Variants in KANSL3 observed in about 807,000 individuals in gnomAD.
The protein encoded by KANSL3 is KAT8 regulatory NSL complex subunit 3.
A neutral mutation model predicts 89.2 loss-of-function variants in KANSL3; 16 were observed. That is an observed-to-expected ratio of 0.18 (90% CI 0.12 to 0.27). KANSL3 has a LOEUF of 0.27. Ranked by LOEUF, KANSL3 falls within the 10% of genes least tolerant of loss-of-function variation. The pLI, the probability that KANSL3 is intolerant of heterozygous loss-of-function variation, is 1.00. For synonymous variants in KANSL3, 385 were observed against 419.7 expected (o/e 0.92, Z 1.01); for missense variants, 879 against 1,110.6 (o/e 0.79, Z 2.96).
intron 20 of KANSL3, chr2:96,598,214 A>G (rs2066729544): frequency 1.3e-6 from 1 of 769,678 alleles, no homozygotes. Flanking sequence ...CCATCAAGGA[A>G]CTATCATTTC....
intron 3 of KANSL3, chr2:96,628,335 G>T (rs921295775): frequency 6.7e-6 from 5 of 746,642 alleles, no homozygotes; most frequent in Non-Finnish European, 8.2e-6. Flanking sequence ...CTTATGCTTT[G>T]CAGTTATATC....
At chr2:96,591,024 A>G (rs968082034), downstream of KANSL3, among the ~76,000 whole-genome samples, 5 of 152,092 alleles carry the variant, frequency 3.3e-5, no homozygotes, top group Non-Finnish European at 7.4e-5. Flanking sequence ...AAACAAAACA[A>G]AACCACTGCA....
At chr2:96,626,715 T>C (rs767461017) in intron 3 of KANSL3, among the ~76,000 whole-genome samples, 8 of 152,212 alleles carry the variant, frequency 5.3e-5, no homozygotes, top group Non-Finnish European at 1.2e-4. Context: ...AAAAAAAAGC[T>C]GGCCCAACAT....
intron 6 of KANSL3, 47 bp from the exon 7 acceptor site, chr2:96,612,981 C>A: frequency 7.7e-7 from 1 of 1,301,474 alleles, no homozygotes. Context: ...GAGAAGTGTC[C>A]TTTCATGAAA....
chr2:96,596,757 C>T (rs1277102726), intron 20 of KANSL3, among the ~76,000 whole-genome samples: 1 of 152,254 alleles, frequency 6.6e-6, no homozygotes, highest in African/African-American at 2.4e-5. Flanking sequence ...TGCCCACAGC[C>T]TGCTACAAGG....
At chr2:96,613,240 G>A (rs1239719058) in intron 6 of KANSL3, among the ~76,000 whole-genome samples, 1 of 150,294 alleles carries the variant, frequency 6.7e-6, no homozygotes, top group East Asian at 1.9e-4. Context: ...GCATGGTGGT[G>A]CATGCCTGTA....
downstream of KANSL3, among the ~76,000 whole-genome samples, chr2:96,588,223 A>G (rs2066253666): frequency 6.6e-6 from 1 of 152,176 alleles, no homozygotes; most frequent in African/African-American, 2.4e-5. Context: ...CCTGAAAATT[A>G]AAGAAAAAGA....
At chr2:96,631,519 T>C (rs2073386876) in intron 2 of KANSL3, 37 bp from the exon 3 acceptor site, 1 of 1,552,260 alleles carries the variant, frequency 6.4e-7, no homozygotes. Flanking sequence ...GGGCCACACA[T>C]ACTTCACAGG....
At chr2:96,627,999 A>C in intron 3 of KANSL3, 1 of 1,290,156 alleles carries the variant, frequency 7.8e-7, no homozygotes, top group Non-Finnish European at 1.0e-6. Context: ...AAAACAAATA[A>C]TCTGATAAAT....
At position 96,605,366 on chromosome 2, in the gene KANSL3, G is replaced by C; in HGVS notation, c.1887C>G (p.Asp629Glu). 6.2e-7 allele frequency: 1 copy of C among 1,613,690 alleles called. No individual in the cohort carries two copies. The highest frequency in any genetic ancestry group is 8.5e-7 in the Non-Finnish European group (1 of 1,179,822). ...AAGGAGCACAAGGCCCTCCAGCTGT[G>C]TCCCCTTGGGAGATAAGGGACACCT... is the stretch of plus-strand genomic sequence containing the variant. ...KIKVSLISQG[D>E]TAGGPCAPSQ... The change falls in exon 15 of 21, where the codon GAC becomes GAG. Residue 629 changes from aspartate to glutamate, a missense_variant. Physicochemically the swap from Asp to Glu is conservative, Grantham distance 45. Transcript: ENST00000431828.
chr2:96,602,695 T>A, intron 18 of KANSL3, 58 bp downstream of exon 18: 1 of 1,411,028 alleles, frequency 7.1e-7, no homozygotes, highest in Non-Finnish European at 9.6e-7. Context: ...CAAAACCAAC[T>A]AAGCTGAGGA....
chr2:96,590,439 C>A (rs1035210824), downstream of KANSL3, among the ~76,000 whole-genome samples: 14 of 151,738 alleles, frequency 9.2e-5, no homozygotes, highest in African/African-American at 3.4e-4. Flanking sequence ...ACTACAGGTG[C>A]GCGGCATGAC....
Position 96,597,892 on chromosome 2 carries a change from T to C in KANSL3, c.2617-2261A>G, listed in dbSNP as rs574456823. On this transcript the variant is annotated intron_variant, in intron 20 of 20. Coordinates refer to ENST00000431828, the MANE Select transcript of KANSL3 (RefSeq NM_001115016.3). ...CTGGGATTACAGGCGTGAACCACCA[T>C]GCCCAGCCTACGTCCATTCTATTAA... Among the ~76,000 whole-genome samples, 207 of 152,274 alleles carry C rather than the reference T, an allele frequency of 1.4e-3. 6 individuals carry two copies. In the South Asian group the frequency reaches 0.019, roughly 14 times the overall value.
intron 3 of KANSL3, among the ~76,000 whole-genome samples, chr2:96,627,559 CAA>C (rs1558766584): frequency 6.6e-6 from 1 of 152,226 alleles, no homozygotes; most frequent in East Asian, 1.9e-4. Flanking sequence ...TGAAATCATT[CAA>C]GAGAGAGGAA....
intron 2 of KANSL3, among the ~76,000 whole-genome samples, chr2:96,636,409 T>A (rs2074250057): frequency 6.6e-6 from 1 of 152,186 alleles, no homozygotes; most frequent in South Asian, 2.1e-4. Flanking sequence ...AGGGTTTAGA[T>A]TAACCTATGG....
At chr2:96,606,953 G>A in intron 14 of KANSL3, 1 of 1,269,760 alleles carries the variant, frequency 7.9e-7, no homozygotes, top group Non-Finnish European at 1.0e-6. Context: ...GAGCAGGCAA[G>A]AAAGAGTAAT....
intron 1 of KANSL3, 53 bp from the exon 2 acceptor site, chr2:96,637,238 A>G (rs1410875520): frequency 1.0e-5 from 6 of 597,164 alleles, no homozygotes; most frequent in African/African-American, 8.3e-5. Flanking sequence ...AATTTCTCCC[A>G]ATCTACACCA....
chr2:96,615,221 T>C (rs1197081898), intron 5 of KANSL3: 2 of 155,238 alleles, frequency 1.3e-5, no homozygotes, highest in South Asian at 1.8e-4. Flanking sequence ...CTATGGAGTT[T>C]ATGGGTGACT....
At chr2:96,625,204 C>T (rs1169651331) in intron 3 of KANSL3, among the ~76,000 whole-genome samples, 2 of 152,004 alleles carry the variant, frequency 1.3e-5, no homozygotes, top group Non-Finnish European at 2.9e-5. Flanking sequence ...AATGAGACTC[C>T]ATCTCAAAAA....
Sources: allele counts gnomAD v4.1 joint callset (sites outside exome capture counted in the v4.1 genomes callset), GRCh38; gene constraint gnomAD v4.1.1; transcripts MANE v1.5; gene names NCBI Gene and HGNC (gene_info 2026-07-23, HGNC 2026-07-21).